Variants in KRT77 observed in about 807,000 individuals in gnomAD.
KRT77 encodes the protein keratin, type II cytoskeletal 1b.
Under a neutral mutation model 51.5 loss-of-function variants are expected in KRT77, and 44 were observed. The observed-to-expected ratio is 0.85, with a 90% CI of 0.67 to 1.10. The LOEUF (loss-of-function observed/expected upper bound fraction) is 1.10, where lower values mean the gene tolerates loss of function less well. KRT77 is among the 50% of genes least tolerant of loss of function. The pLI, the probability that KRT77 is intolerant of heterozygous loss-of-function variation, is 0.00. For missense variants in KRT77, 763 were observed against 743.9 expected, an observed-to-expected ratio of 1.03 and a Z score of -0.30; for synonymous variants, 293 against 302.0, an observed-to-expected ratio of 0.97 and a Z score of 0.31.
In KRT77 at chr12:52,691,440, C is replaced by T. The variant is rs763893062; in HGVS notation, c.1463-1G>A. 6.3e-7 allele frequency: 1 copy of T among 1,582,784 alleles called. No individual in the cohort carries two copies. Among genetic ancestry groups the T allele is most frequent in the Non-Finnish European group, 8.5e-7 (1 of 1,169,970 alleles). On this transcript the variant is annotated splice_acceptor_variant, in intron 8 of 8. Transcript: ENST00000341809. LOFTEE classifies it high-confidence loss of function. ...ACGCTCACCTGGCTGTTCTGCACGG[C>T]TGTGGGTAGGGGACAGTGCACACGG...
At chr12:52,697,008 A>G (rs967304882) in intron 2 of KRT77, among the ~76,000 whole-genome samples, 4 of 152,240 alleles carry the variant, frequency 2.6e-5, no homozygotes, top group African/African-American at 9.6e-5. Context: ...GCTCAGGAGC[A>G]GCTGATCTGG....
At chr12:52,695,999 C>T (rs977424222) in intron 3 of KRT77, 132 bp from the exon 4 acceptor site, 23 of 657,616 alleles carry the variant, frequency 3.5e-5, no homozygotes, top group African/African-American at 2.9e-4. Flanking sequence ...TCACCGCACT[C>T]GAATAAGGGA....
At position 52,698,803 on chromosome 12, in the gene KRT77, C is replaced by T. The variant is rs575649767; in HGVS notation, c.544-907G>A. Among the ~76,000 whole-genome samples the T allele has an allele frequency of 9.2e-5, 14 of 152,364 alleles. 1 individual carries two copies. Among genetic ancestry groups the T allele is most frequent in the African/African-American group, 1.9e-4 (8 of 41,588 alleles). The stretch of plus-strand genomic sequence containing the variant: ...ATGCTGCCTCCAGACTTTGCTCGGC[C>T]GCATGCAGGCGCACACGCCCAAAAA... On this transcript the variant is annotated intron_variant, in intron 1 of 8. Coordinates refer to ENST00000341809, the MANE Select transcript of KRT77 (RefSeq NM_175078.3).
Position 52,694,991 on chromosome 12 carries a change from A to T in KRT77, c.916-201T>A, listed in dbSNP as rs944355340. 1.5e-4 allele frequency: 59 copies of T among 381,794 alleles called. 1 individual carries two copies. The highest frequency in any genetic ancestry group is 1.1e-3 in the African/African-American group (55 of 48,960). 23.7% of individuals were successfully genotyped at this position (381,794 alleles called of 1,614,324 possible). ...CTCCAGGGAGAAGGAAGGAGCCTAA[A>T]CCTGGAGCGTTCAGATACCATCTCC... On this transcript the variant is annotated intron_variant, in intron 4 of 8. Coordinates refer to ENST00000341809, the MANE Select transcript of KRT77 (RefSeq NM_175078.3).
intron 8 of KRT77, 48 bp from the exon 9 acceptor site, chr12:52,691,487 C>A (rs1941709462): frequency 1.3e-6 from 2 of 1,506,350 alleles, no homozygotes; most frequent in Non-Finnish European, 1.8e-6. Flanking sequence ...CCGGGCAAGG[C>A]CCCCACCTGC....
Position 52,701,822 on chromosome 12 carries a change from C to A in KRT77, c.543+1070G>T, listed in dbSNP as rs190484666. Among the ~76,000 whole-genome samples, 232 of 152,296 alleles carry A rather than the reference C, an allele frequency of 1.5e-3. 1 individual carries two copies. Among genetic ancestry groups the A allele is most frequent in the African/African-American group, 4.7e-3 (195 of 41,548 alleles). ...GCCAAAAGGGGAAACTCAGACAGAA[C>A]CCTACATTGCATGCTATTGACTTTA... is the stretch of plus-strand genomic sequence containing the variant. On this transcript the variant is annotated intron_variant, in intron 1 of 8. Coordinates refer to ENST00000341809, the MANE Select transcript of KRT77 (RefSeq NM_175078.3).
chr12:52,691,004 C>T lies in KRT77; in HGVS notation c.*161G>A, dbSNP rs1172348578. 1 of 964,218 alleles carries T rather than the reference C, an allele frequency of 1.0e-6. No individual in the cohort carries two copies. Among genetic ancestry groups the T allele is most frequent in the South Asian group, 1.6e-5 (1 of 61,846 alleles). 59.7% of individuals were successfully genotyped at this position (964,218 alleles called of 1,614,324 possible). A position where few individuals can be genotyped will look rare whatever the true frequency, so the allele number is the denominator to read the frequency against. ...TCCAAAGAGAGATCTGCTGTTTGGA[C>T]TTATCCACCCTGCTTCCCCCATTAG... On this transcript the variant is annotated 3_prime_UTR_variant, in exon 9 of 9. Transcript: ENST00000341809.
chr12:52,693,524 C>T (rs779064833), intron 5 of KRT77: 2 of 151,002 alleles, frequency 1.3e-5, no homozygotes, highest in Non-Finnish European at 3.0e-5. Context: ...TGTGCAGGAC[C>T]GTGGGACAGA....
rs75194939 is a variant in KRT77, at chr12:52,690,483, G to T, written c.*682C>A. ...ACCAAGAGGCAGGAATAGGCCGCTG[G>T]TGCAGAGGTTTTCCTTACCAAGCTA... On this transcript the variant is annotated 3_prime_UTR_variant, in exon 9 of 9. Coordinates refer to ENST00000341809, the MANE Select transcript of KRT77 (RefSeq NM_175078.3). 3,862 of 155,778 alleles carry T rather than the reference G, an allele frequency of 0.025. 61 individuals carry two copies. Among genetic ancestry groups the T allele is most frequent in the Middle Eastern group, 0.037 (11 of 296 alleles). The allele number at this position is 155,778 out of a possible 1,614,324, so 9.6% of individuals were successfully genotyped here.
Position 52,693,770 on chromosome 12 carries a change from T to C in KRT77, c.1080+856A>G, listed in dbSNP as rs142513380. On this transcript the variant is annotated intron_variant, in intron 5 of 8. Transcript: ENST00000341809. ...GTAGTCTAACAATATAATACCAGGC[T>C]GTTAAAAATGCGGCAGGTTATTTAG... The C allele has an allele frequency of 6.0e-5, 9 of 151,220 alleles. 1 individual carries two copies. The East Asian group carries it at 1.4e-3, about 23-fold the overall frequency. 9.4% of individuals were successfully genotyped at this position (151,220 alleles called of 1,614,324 possible).
intron 1 of KRT77, among the ~76,000 whole-genome samples, chr12:52,700,028 G>A (rs527388799): frequency 1.6e-4 from 24 of 152,322 alleles, no homozygotes; most frequent in African/African-American, 5.5e-4. Context: ...ATCAAGGCCA[G>A]GCCAGTGTCC....
Position 52,691,253 on chromosome 12 carries a change from C to T in KRT77, c.1649G>A (p.Gly550Glu), listed in dbSNP as rs768558461. 5.0e-6 allele frequency: 8 copies of T among 1,609,756 alleles called. No individual in the cohort carries two copies. The highest frequency in any genetic ancestry group is 4.0e-5 in the African/African-American group (3 of 74,830). The change falls in exon 9 of 9, where the codon GGA (glycine) becomes GAA (glutamate). Residue 550 changes from glycine to glutamate, a missense_variant. By Grantham distance (98) the Gly-to-Glu change is moderately conservative. Transcript: ENST00000341809. ...SGCGGGGGSY[G>E]GSGRSGRGSS... ...TCCGCGGCCGCTTCTGCCGCTCCCT[C>T]CGTAGCTCCCGCCACCGCCGCCGCA...
At chr12:52,694,005 C>A (rs1941754509) in intron 5 of KRT77, among the ~76,000 whole-genome samples, 1 of 150,448 alleles carries the variant, frequency 6.6e-6, no homozygotes, top group South Asian at 2.1e-4. Context: ...CCACTGCACT[C>A]CAGCCTGGGA....
At position 52,694,785 on chromosome 12, in the gene KRT77, C is replaced by G. The variant is rs188315829; in HGVS notation, c.921G>C (p.Leu307=). 4.4e-6 allele frequency: 7 copies of G among 1,599,726 alleles called. No individual in the cohort carries two copies. The highest frequency in any genetic ancestry group is 1.7e-5 in the Admixed American group (1 of 59,686). The change falls in exon 5 of 9, where the codon CTG becomes CTC. Residue 307 remains leucine (L), a synonymous_variant. Transcript: ENST00000341809. ...CGCTGATGTGAGTCTGCACCTGAGA[C>G]AGCTCCTGCGAGGCATGGCGCACAG... ...NFLKYLFLTE[L]SQVQTHISDT... is the part of the protein sequence containing the mutation.
intron 1 of KRT77, chr12:52,698,373 C>T (rs1450498173): frequency 3.1e-5 from 13 of 419,104 alleles, no homozygotes; most frequent in East Asian, 7.1e-5. Context: ...CTTGGGTGCC[C>T]CTGCCCTGCA....
At position 52,692,496 on chromosome 12, in the gene KRT77, G is replaced by T. The variant is rs1941727009; in HGVS notation, c.1352C>A (p.Ala451Asp). ...CAGGGACAGCTTGACCCCCAGCATG[G>T]CCTGGTAGTCACGCAGCAGCCGGGC... ...ELARLLRDYQAMLGVKLSLDV... is the reference protein window; with the variant it reads ...ELARLLRDYQDMLGVKLSLDV... Residue 451 changes from alanine (A) to aspartate (D), a missense_variant, in exon 7 of 9, where the codon GCC becomes GAC. Physicochemically the swap from Ala to Asp is moderately radical, Grantham distance 126. Transcript: ENST00000341809. 1.9e-6 allele frequency: 3 copies of T among 1,614,022 alleles called. 1 individual carries two copies. The South Asian group carries it at 3.3e-5, about 18-fold the overall frequency.
intron 2 of KRT77, chr12:52,696,646 C>T: frequency 1.9e-6 from 1 of 515,622 alleles, no homozygotes; most frequent in South Asian, 3.3e-5. Context: ...CAGAGGGGAC[C>T]CCGGGCCAAC....
At chr12:52,691,561 C>A in intron 8 of KRT77, 122 bp from the exon 9 acceptor site, 1 of 1,149,066 alleles carries the variant, frequency 8.7e-7, no homozygotes, top group South Asian at 1.5e-5. Context: ...TTGCAAACCC[C>A]ATACATTGAA....
In KRT77 at chr12:52,695,307, C is replaced by A. The variant is rs115477289; in HGVS notation, c.915+465G>T. On this transcript the variant is annotated intron_variant, in intron 4 of 8. Coordinates refer to ENST00000341809, the MANE Select transcript of KRT77 (RefSeq NM_175078.3). ...CTAACACAGCATCTGGCCCAGAGCA[C>A]GTACCCCCAAGTTAGACACAGGCAA... The A allele has an allele frequency of 3.4e-3, 578 of 168,118 alleles. 4 individuals are homozygous for A. Among genetic ancestry groups the A allele is most frequent in the African/African-American group, 0.013 (551 of 42,170 alleles). The allele number at this position is 168,118 out of a possible 1,614,324, so 10.4% of individuals were successfully genotyped here.
Sources: allele counts gnomAD v4.1 joint callset (sites outside exome capture counted in the v4.1 genomes callset), GRCh38; gene constraint gnomAD v4.1.1; transcripts MANE v1.5; gene names NCBI Gene and HGNC (gene_info 2026-07-23, HGNC 2026-07-21).